OR1J2: variants seen among roughly 807,000 people sequenced by gnomAD.
The protein encoded by OR1J2 is olfactory receptor family 1 subfamily J member 2.
For synonymous variants in OR1J2, 142 were observed against 99.7 expected (o/e 1.42, Z -2.52); for missense variants, 304 against 246.1 (o/e 1.24, Z -1.57).
At chr9:122,496,930 C>T in the OR1J2 span, among the ~76,000 whole-genome samples, 3 of 152,076 alleles carry the variant, frequency 2.0e-5, no homozygotes, top group Non-Finnish European at 4.4e-5. Flanking sequence ...ATTTATTTTC[C>T]TTTCACACAG....
At chr9:122,559,290 T>C in the OR1J2 span, among the ~76,000 whole-genome samples, 1 of 152,058 alleles carries the variant, frequency 6.6e-6, no homozygotes, top group Non-Finnish European at 1.5e-5. Flanking sequence ...TTTTTCTATA[T>C]GTAATATTTA....
the OR1J2 span, among the ~76,000 whole-genome samples, chr9:122,570,566 T>TA: frequency 1.1e-4 from 17 of 152,338 alleles, no homozygotes; most frequent in African/African-American, 3.8e-4. Context: ...TTTAATGAGA[T>TA]AAAGCATTTG....
At chr9:122,488,202 A>C in the OR1J2 span, among the ~76,000 whole-genome samples, 2 of 152,082 alleles carry the variant, frequency 1.3e-5, no homozygotes, top group Non-Finnish European at 2.9e-5. Flanking sequence ...CAGTGGCATG[A>C]TCTCAGCTCA....
chr9:122,539,962 G>A, the OR1J2 span, among the ~76,000 whole-genome samples: 1 of 151,970 alleles, frequency 6.6e-6, no homozygotes, highest in Non-Finnish European at 1.5e-5. Flanking sequence ...TGATGGGGTT[G>A]TTTGTTTTTT....
At chr9:122,485,528 C>T in the OR1J2 span, among the ~76,000 whole-genome samples, 3 of 152,346 alleles carry the variant, frequency 2.0e-5, no homozygotes, top group Admixed American at 6.5e-5. Context: ...TTGAGCCTTT[C>T]CTGTCCCTAC....
the OR1J2 span, among the ~76,000 whole-genome samples, chr9:122,533,043 G>A: frequency 6.6e-6 from 1 of 152,126 alleles, no homozygotes; most frequent in Non-Finnish European, 1.5e-5. Flanking sequence ...GAGCCTAATG[G>A]GTGTCAGGGT....
chr9:122,545,463 TC>T, the OR1J2 span, among the ~76,000 whole-genome samples: 1 of 152,134 alleles, frequency 6.6e-6, no homozygotes, highest in Non-Finnish European at 1.5e-5. Flanking sequence ...TCCCTTTAAT[TC>T]TTTTAGTTTT....
the OR1J2 span, chr9:122,554,102 C>A: frequency 6.2e-7 from 1 of 1,613,650 alleles, no homozygotes; most frequent in South Asian, 1.1e-5. Flanking sequence ...GCTTGAGGAA[C>A]AGAGACATGA....
the OR1J2 span, among the ~76,000 whole-genome samples, chr9:122,532,444 G>T: frequency 1.3e-5 from 2 of 151,960 alleles, no homozygotes; most frequent in African/African-American, 2.4e-5. Context: ...GTGGGGAAAT[G>T]GGGTGAACGT....
the OR1J2 span, among the ~76,000 whole-genome samples, chr9:122,548,273 G>A: frequency 2.0e-5 from 3 of 152,140 alleles, no homozygotes; most frequent in Non-Finnish European, 4.4e-5. Flanking sequence ...GTAGTTAATT[G>A]GGTGGAATTG....
chr9:122,450,290 G>T, the OR1J2 span, among the ~76,000 whole-genome samples: 1 of 152,054 alleles, frequency 6.6e-6, no homozygotes, highest in African/African-American at 2.4e-5. Flanking sequence ...AATTAGCTGC[G>T]CTTGGTGGTG....
At position 122,511,688 on chromosome 9, in the gene OR1J2, A is replaced by T; in HGVS notation, c.887A>T (p.Asp296Val). 1 of 781,054 alleles carries T rather than the reference A, an allele frequency of 1.3e-6. No individual in the cohort carries two copies. Among genetic ancestry groups the T allele is most frequent in the Non-Finnish European group, 2.4e-6 (1 of 418,114 alleles). 48.4% of individuals were successfully genotyped at this position (781,054 alleles called of 1,614,324 possible). A position where few individuals can be genotyped will look rare whatever the true frequency, so the allele number is the denominator to read the frequency against. The change falls in exon 1 of 1, where the codon GAC (aspartate) becomes GTC (valine). Residue 296 changes from aspartate to valine, a missense_variant. Coordinates refer to ENST00000335302, the MANE Select transcript of OR1J2 (RefSeq NM_054107.1). ...NPFIYSLRNRDMKEALGKLFS... is the reference protein window; with the variant it reads ...NPFIYSLRNRVMKEALGKLFS... ...TTTATCTACAGCCTTAGGAACAGGG[A>T]CATGAAAGAGGCCCTTGGGAAACTC...
At chr9:122,527,247 G>A in the OR1J2 span, 9 of 1,612,986 alleles carry the variant, frequency 5.6e-6, no homozygotes, top group Non-Finnish European at 7.6e-6. Context: ...TGGAGGCGCT[G>A]ATATTCCTCG....
At chr9:122,458,420 G>A in the OR1J2 span, among the ~76,000 whole-genome samples, 1 of 152,154 alleles carries the variant, frequency 6.6e-6, no homozygotes, top group African/African-American at 2.4e-5. Flanking sequence ...AATTCTCACA[G>A]TGCTAATAAG....
chr9:122,528,416 G>C, the OR1J2 span, among the ~76,000 whole-genome samples: 1 of 152,132 alleles, frequency 6.6e-6, no homozygotes, highest in Admixed American at 6.5e-5. Flanking sequence ...TGACCAACAT[G>C]ACAAAACCCC....
At chr9:122,463,138 TC>T in the OR1J2 span, among the ~76,000 whole-genome samples, 1 of 152,208 alleles carries the variant, frequency 6.6e-6, no homozygotes. Context: ...TTTTTCTTTG[TC>T]TTTGTAGGAG....
upstream of OR1J2, chr9:122,510,776 T>A: frequency 7.9e-7 from 1 of 1,263,328 alleles, no homozygotes; most frequent in Non-Finnish European, 1.1e-6. Flanking sequence ...CAAGCATTCT[T>A]CATCTCCATC....
chr9:122,461,513 T>C, the OR1J2 span, among the ~76,000 whole-genome samples: 1 of 152,142 alleles, frequency 6.6e-6, no homozygotes, highest in African/African-American at 2.4e-5. Context: ...GACCTTAGAT[T>C]GCCTATTTGT....
chr9:122,502,466 G>A, the OR1J2 span, among the ~76,000 whole-genome samples: 2 of 152,146 alleles, frequency 1.3e-5, no homozygotes, highest in South Asian at 4.1e-4. Context: ...CAGGATGCTT[G>A]TCTGGAGGAA....
Sources: gnomAD v4.1 joint callset for allele counts (sites outside exome capture counted in the v4.1 genomes callset) on GRCh38, gnomAD v4.1.1 for gene constraint, MANE v1.5 for transcripts, NCBI Gene and HGNC (gene_info 2026-07-23, HGNC 2026-07-21) for gene names.